The following MPP4 variants were observed in gnomAD, a reference collection of about 807,000 sequenced individuals.
MPP4 encodes MAGUK p55 subfamily member 4.
MPP4 carries 91 observed loss-of-function variants against 98.3 expected under a neutral mutation model. The observed-to-expected ratio is 0.93, with a 90% CI of 0.78 to 1.10. MPP4 has a LOEUF of 1.10. MPP4 is among the 50% of genes least tolerant of loss of function. The pLI is 0.00. For synonymous variants in MPP4, 261 were observed against 271.8 expected (o/e 0.96, Z 0.39); for missense variants, 744 against 792.9 (o/e 0.94, Z 0.74).
At chr2:201,651,882 A>C in intron 18 of MPP4, 1 of 405,802 alleles carries the variant, frequency 2.5e-6, no homozygotes, top group Middle Eastern at 1.3e-3. Flanking sequence ...TGAACCCAGG[A>C]GGTGAGGTTG....
chr2:201,657,319 C>T (rs976825844), intron 16 of MPP4, among the ~76,000 whole-genome samples: 18 of 152,168 alleles, frequency 1.2e-4, no homozygotes, highest in Admixed American at 1.1e-3. Flanking sequence ...TTCTAAGCTC[C>T]TAGATTCCTG....
chr2:201,693,629 A>C (rs1005590047), intron 2 of MPP4, among the ~76,000 whole-genome samples: 1 of 152,234 alleles, frequency 6.6e-6, no homozygotes, highest in Non-Finnish European at 1.5e-5. Context: ...AGAAGTTCTA[A>C]GTTTTACATA....
Position 201,649,684 on chromosome 2 carries a change from C to T in MPP4, c.1476G>A (p.Arg492=). The stretch of plus-strand genomic sequence containing the variant: ...CTTTGTACTCACCATACTCCAGCAT[C>T]CTGCAAGAGCAGGCCAAACAAAACA... The part of the protein sequence containing the change: ...ETFENLIYSH[R]MLEYGEYKGH... The change falls in exon 20 of 22, where the codon AGG becomes AGA. Residue 492 remains arginine, a splice_region_variant and synonymous_variant. Transcript: ENST00000409474. 6.2e-7 allele frequency: 1 copy of T among 1,604,636 alleles called. No homozygotes were observed. Among genetic ancestry groups the T allele is most frequent in the Non-Finnish European group, 8.5e-7 (1 of 1,174,452 alleles).
At chr2:201,686,167 T>A (rs1489431802) in intron 5 of MPP4, 117 bp from the exon 6 acceptor site, 2 of 1,235,372 alleles carry the variant, frequency 1.6e-6, no homozygotes, top group Non-Finnish European at 2.2e-6. Flanking sequence ...AATACAGACA[T>A]GCCAGACACA....
chr2:201,667,634 T>C (rs994894583), intron 12 of MPP4, among the ~76,000 whole-genome samples: 1 of 152,380 alleles, frequency 6.6e-6, no homozygotes, highest in Admixed American at 6.5e-5. Flanking sequence ...ATCTTGTTTC[T>C]AGCAGTGCCC....
chr2:201,686,137 C>G, intron 5 of MPP4, 87 bp from the exon 6 acceptor site: 2 of 1,464,342 alleles, frequency 1.4e-6, no homozygotes, highest in Non-Finnish European at 1.8e-6. Flanking sequence ...ATCTAAGACA[C>G]AGCAACAACA....
At chr2:201,677,891 C>T (rs2540428) in intron 10 of MPP4, among the ~76,000 whole-genome samples, 97,255 of 152,010 alleles carry the variant, frequency 0.64, 31,602 homozygotes, top group African/African-American at 0.69. Flanking sequence ...CACATCAGCC[C>T]GCGCTCGGGG....
At chr2:201,689,729 A>G (rs967046202) in intron 4 of MPP4, among the ~76,000 whole-genome samples, 1 of 152,124 alleles carries the variant, frequency 6.6e-6, no homozygotes, top group Non-Finnish European at 1.5e-5. Flanking sequence ...TGAGATAGAA[A>G]AGGCTTCCAG....
rs762176880 is a variant in MPP4, at chr2:201,690,178, T to C, written c.279+24A>G. The C allele has an allele frequency of 2.6e-6, 4 of 1,541,648 alleles. No individual in the cohort carries two copies. The South Asian group carries it at 4.6e-5, about 18-fold the overall frequency. ...ATGGCACCACATCAGAGCTCTACTA[T>C]CCTGTGGAATAAAATCTCCTTACCT... On this transcript the variant is annotated intron_variant, in intron 4 of 21. Transcript: ENST00000409474.
At chr2:201,646,341 C>T (rs1268420596) in intron 21 of MPP4, among the ~76,000 whole-genome samples, 3 of 151,930 alleles carry the variant, frequency 2.0e-5, no homozygotes, top group Admixed American at 6.5e-5. Context: ...TATTATGTTT[C>T]TACTATTGTG....
intron 8 of MPP4, among the ~76,000 whole-genome samples, chr2:201,682,169 G>A (rs16838001): frequency 0.016 from 2,406 of 152,240 alleles, 56 homozygotes; most frequent in African/African-American, 0.054. Flanking sequence ...CCACTGTCCC[G>A]GCAACATCAC....
intron 18 of MPP4, chr2:201,651,703 C>T (rs991767123): frequency 1.0e-6 from 1 of 971,298 alleles, no homozygotes; most frequent in African/African-American, 1.8e-5. Flanking sequence ...CCTGTAATCC[C>T]AGCACTTTGG....
intron 3 of MPP4, among the ~76,000 whole-genome samples, chr2:201,691,012 C>T (rs562950452): frequency 6.6e-6 from 1 of 152,296 alleles, no homozygotes; most frequent in African/African-American, 2.4e-5. Flanking sequence ...GGCTGAGCCC[C>T]CAGTCTTTTC....
At chr2:201,652,708 G>A (rs1368612520) in intron 18 of MPP4, among the ~76,000 whole-genome samples, 7 of 152,158 alleles carry the variant, frequency 4.6e-5, no homozygotes. Context: ...GAAGCCAGAC[G>A]AGAGCCAGAC....
At chr2:201,663,326 G>T (rs1444143590) in intron 14 of MPP4, among the ~76,000 whole-genome samples, 1 of 152,200 alleles carries the variant, frequency 6.6e-6, no homozygotes, top group Admixed American at 6.5e-5. Context: ...ATAAAAAAAT[G>T]CTCCCAAAAA....
rs562957789 is a variant in MPP4, at chr2:201,688,723, C to T, written c.280-1352G>A. ...CTACTTCCTGGGTTCAAGCAATTTT[C>T]GTGCCTCCCAAGTAGCTGGGATTAC... is the stretch of plus-strand genomic sequence containing the variant. On this transcript the variant is annotated intron_variant, in intron 4 of 21. Coordinates refer to ENST00000409474, the MANE Select transcript of MPP4 (RefSeq NM_033066.3). Among the ~76,000 whole-genome samples the T allele has an allele frequency of 1.6e-4, 25 of 152,102 alleles. No homozygotes were observed. In the East Asian group the frequency reaches 3.9e-3, roughly 24 times the overall value.
intron 13 of MPP4, chr2:201,664,463 AG>A: frequency 1.1e-6 from 1 of 908,322 alleles, no homozygotes. Context: ...TTTGCTGCAG[AG>A]GGCTTGCCGA....
chr2:201,666,465 G>A (rs1688177872), intron 12 of MPP4, 93 bp from the exon 13 acceptor site: 12 of 1,003,818 alleles, frequency 1.2e-5, no homozygotes, highest in Middle Eastern at 2.2e-4. Flanking sequence ...TCATGCCTGT[G>A]ATCCCAGCAC....
intron 4 of MPP4, among the ~76,000 whole-genome samples, chr2:201,688,942 G>T (rs1688917675): frequency 6.6e-6 from 1 of 152,164 alleles, no homozygotes; most frequent in Non-Finnish European, 1.5e-5. Flanking sequence ...ATAACAAGGG[G>T]TCAATGTGGC....
Sources: gnomAD v4.1 joint callset for allele counts (sites outside exome capture counted in the v4.1 genomes callset) on GRCh38, gnomAD v4.1.1 for gene constraint, MANE v1.5 for transcripts, NCBI Gene and HGNC (gene_info 2026-07-23, HGNC 2026-07-21) for gene names.